PRSS53: variants seen among roughly 807,000 people sequenced by gnomAD.
PRSS53 encodes the protein serine protease 53.
PRSS53 carries 54 observed loss-of-function variants against 62.7 expected under a neutral mutation model. That is an observed-to-expected ratio of 0.86 (90% CI 0.69 to 1.08). The LOEUF (loss-of-function observed/expected upper bound fraction) is 1.08, where lower values mean the gene tolerates loss of function less well. PRSS53 is among the 50% of genes least tolerant of loss of function. The probability of loss-of-function intolerance (pLI) is 0.00; values close to 1 mark genes in which losing one functional copy is unlikely to be tolerated. For missense variants in PRSS53, 688 were observed against 728.3 expected, an observed-to-expected ratio of 0.94 and a Z score of 0.64; for synonymous variants, 273 against 300.0, an observed-to-expected ratio of 0.91 and a Z score of 0.93.
Position 31,086,351 on chromosome 16 carries a change from G to A in PRSS53, c.649C>T (p.Gln217Ter), listed in dbSNP as rs1487470816. Residue 217 changes from glutamine (Q) to a stop codon, truncating the protein, a stop_gained, in exon 5 of 11, where the codon CAG (glutamine) becomes TAG (stop). Coordinates refer to ENST00000280606, the Ensembl canonical transcript of PRSS53. LOFTEE classifies it high-confidence loss of function. ...CCCTATCAGACCTGACAGGGGCCCTGCACCCCAGGCTGGGGGCCCCCACAT... is the reference window on the plus strand; with the variant it reads ...CCCTATCAGACCTGACAGGGGCCCTACACCCCAGGCTGGGGGCCCCCACAT... 1.2e-6 allele frequency: 2 copies of A among 1,612,548 alleles called. No homozygotes were observed. The highest frequency in any genetic ancestry group is 4.5e-5 in the East Asian group (2 of 44,860).
chr16:31,086,022 T>C, exon 6 of PRSS53: 1 of 1,614,078 alleles, frequency 6.2e-7, no homozygotes, highest in Non-Finnish European at 8.5e-7. Flanking sequence ...CCAGGAAAGC[T>C]GCCCCCTGAA....
chr16:31,086,226 G>A (rs1487893689), intron 5 of PRSS53, 43 bp from the exon 6 acceptor site: 2 of 1,594,996 alleles, frequency 1.3e-6, no homozygotes, highest in African/African-American at 2.7e-5. Context: ...CCTGAGCCCA[G>A]CTATGGCAGA....
intron 6 of PRSS53, among the ~76,000 whole-genome samples, chr16:31,085,598 A>T (rs1300597647): frequency 1.3e-5 from 2 of 152,118 alleles, no homozygotes; most frequent in Non-Finnish European, 2.9e-5. Context: ...TGCATCTCTT[A>T]TCATCAAGAC....
intron 3 of PRSS53, chr16:31,087,264 T>A: frequency 1.8e-6 from 1 of 553,218 alleles, no homozygotes; most frequent in Non-Finnish European, 3.2e-6. Context: ...CCCAAAGGGC[T>A]GGGATTACAA....
rs1267813086 is a variant in PRSS53, at chr16:31,087,532, C to T, written c.242+5G>A. The T allele has an allele frequency of 4.3e-6, 7 of 1,611,580 alleles. No individual in the cohort carries two copies. Among genetic ancestry groups the T allele is most frequent in the Non-Finnish European group, 5.9e-6 (7 of 1,178,512 alleles). On this transcript the variant is annotated splice_donor_5th_base_variant and intron_variant, in intron 3 of 10. Coordinates refer to ENST00000280606, the Ensembl canonical transcript of PRSS53. ...AGACCCTGCCTGACCCCAGCCATGA[C>T]TTACTTTTCAAAGCAGTGGGCAGCA...
At position 31,088,744 on chromosome 16, in the gene PRSS53, C is replaced by T. The variant is rs377171204; in HGVS notation, c.58+8G>A. The T allele has an allele frequency of 2.2e-5, 36 of 1,613,250 alleles. No homozygotes were observed. Among genetic ancestry groups the T allele is most frequent in the East Asian group, 1.3e-4 (6 of 44,892 alleles). ...GCCACACCCATACCCCAGCACATGG[C>T]GGCTTACCCTCCATGAGGACTGTGG... On this transcript the variant is annotated splice_region_variant and intron_variant, in intron 1 of 10. Coordinates refer to ENST00000280606, the Ensembl canonical transcript of PRSS53.
chr16:31,087,555 G>A, exon 3 of PRSS53: 1 of 1,613,366 alleles, frequency 6.2e-7, no homozygotes, highest in Non-Finnish European at 8.5e-7. Flanking sequence ...GCAGTGGGCA[G>A]CAGTGAGGAC....
rs1596787875 is a variant in PRSS53, at chr16:31,085,842, C to T, written c.883+122G>A. On this transcript the variant is annotated intron_variant, in intron 6 of 10. Coordinates refer to ENST00000280606, the Ensembl canonical transcript of PRSS53. ...AGCCCTAACAGGGCTGTTCCCATCC[C>T]AGGGGGTGAAAGAGCCCCCTAATTA... 4 of 870,550 alleles carry T rather than the reference C, an allele frequency of 4.6e-6. No homozygotes were observed. The East Asian group carries it at 9.9e-5, about 22-fold the overall frequency. The allele number at this position is 870,550 out of a possible 1,614,324, so 53.9% of individuals were successfully genotyped here.
chr16:31,088,053 ACT>A (rs2057253081), intron 1 of PRSS53: 3 of 1,428,520 alleles, frequency 2.1e-6, no homozygotes, highest in Non-Finnish European at 2.7e-6. Flanking sequence ...TGTGCTCAGC[ACT>A]CTGGGGCTTG....
exon 10 of PRSS53, chr16:31,084,246 G>A (rs759981830): frequency 4.3e-6 from 7 of 1,611,894 alleles, no homozygotes; most frequent in South Asian, 1.1e-5. Flanking sequence ...CCGGCCTGGC[G>A]GGGCCTTGGC....
chr16:31,085,960 G>T lies in PRSS53; in HGVS notation c.883+4C>A, dbSNP rs1048949537. On this transcript the variant is annotated splice_donor_region_variant and intron_variant, in intron 6 of 10. Transcript: ENST00000280606. ...TGCCCACTCCCAGCATGCCCCACTC[G>T]TACCTACACAGCTGTCCTCATCACT... 6.2e-7 allele frequency: 1 copy of T among 1,606,368 alleles called. No homozygotes were observed. The highest frequency in any genetic ancestry group is 1.1e-5 in the South Asian group (1 of 90,966).
exon 3 of PRSS53, chr16:31,087,634 G>A: frequency 6.2e-7 from 1 of 1,610,176 alleles, no homozygotes; most frequent in Non-Finnish European, 8.5e-7. Flanking sequence ...GCCTGCCAGG[G>A]CCACTCGCCA....
Position 31,088,736 on chromosome 16 carries a change from G to A in PRSS53, c.58+16C>T. On this transcript the variant is annotated intron_variant, in intron 1 of 10. Coordinates refer to ENST00000280606, the Ensembl canonical transcript of PRSS53. ...CCCACCAGGCCACACCCATACCCCA[G>A]CACATGGCGGCTTACCCTCCATGAG... The A allele has an allele frequency of 6.2e-7, 1 of 1,613,128 alleles. No homozygotes were observed. The highest frequency in any genetic ancestry group is 8.5e-7 in the Non-Finnish European group (1 of 1,179,996).
At chr16:31,086,307 C>A in intron 5 of PRSS53, 30 bp downstream of exon 5, 3 of 1,594,428 alleles carry the variant, frequency 1.9e-6, no homozygotes, top group Non-Finnish European at 2.6e-6. Context: ...GGCCCCTCCC[C>A]TTCTGCTCCT....
exon 11 of PRSS53, chr16:31,083,670 G>T (rs987654462): frequency 3.9e-5 from 62 of 1,574,054 alleles, no homozygotes; most frequent in Middle Eastern, 2.2e-4. Flanking sequence ...TCCCACAGCT[G>T]CTGGGCTTCT....
At chr16:31,087,475 C>G in intron 3 of PRSS53, 62 bp downstream of exon 3, 2 of 1,322,006 alleles carry the variant, frequency 1.5e-6, no homozygotes, top group Non-Finnish European at 2.1e-6. Context: ...CCTTGTGGGG[C>G]TTGAGACAAA....
At chr16:31,083,590 T>C in exon 11 of PRSS53, 1 of 1,466,370 alleles carries the variant, frequency 6.8e-7, no homozygotes, top group South Asian at 1.4e-5. Flanking sequence ...GAGTTGGGTG[T>C]GGGAGTGTCC....
intron 6 of PRSS53, 44 bp from the exon 7 acceptor site, chr16:31,085,304 C>G: frequency 6.7e-7 from 1 of 1,487,266 alleles, no homozygotes. Flanking sequence ...CTAAGCACTT[C>G]CCACTTCCCA....
chr16:31,088,421 G>A, intron 1 of PRSS53: 1 of 1,213,596 alleles, frequency 8.2e-7, no homozygotes, highest in Non-Finnish European at 1.0e-6. Flanking sequence ...GAAAAGAAAG[G>A]GAAACTGAGG....
Sources: allele counts gnomAD v4.1 joint callset (sites outside exome capture counted in the v4.1 genomes callset), GRCh38; gene constraint gnomAD v4.1.1; transcripts MANE v1.5; gene names NCBI Gene and HGNC (gene_info 2026-07-23, HGNC 2026-07-21).